Variants in STPG2 observed in about 807,000 individuals in gnomAD.
The protein encoded by STPG2 is sperm tail PG-rich repeat containing 2, also known as sperm-tail PG-rich repeat-containing protein 2.
In STPG2, 56 loss-of-function variants were observed where a neutral mutation model predicts 54.2. That is an observed-to-expected ratio of 1.03 (90% CI 0.83 to 1.29). The LOEUF is 1.29. STPG2 is among the 50% of genes most tolerant of loss of function. The pLI, the probability that STPG2 is intolerant of heterozygous loss-of-function variation, is 0.00. For missense variants in STPG2, 596 were observed against 544.9 expected, an observed-to-expected ratio of 1.09 and a Z score of -0.93; for synonymous variants, 200 against 181.8, an observed-to-expected ratio of 1.10 and a Z score of -0.81.
intron 8 of STPG2, among the ~76,000 whole-genome samples, chr4:97,867,766 T>C (rs1729845803): frequency 6.6e-6 from 1 of 152,032 alleles, no homozygotes; most frequent in Non-Finnish European, 1.5e-5. Flanking sequence ...TGTGGTTGAT[T>C]CTCATGATTG....
intron 10 of STPG2, among the ~76,000 whole-genome samples, chr4:97,564,762 C>T (rs979112375): frequency 2.0e-5 from 3 of 152,138 alleles, no homozygotes; most frequent in African/African-American, 4.8e-5. Context: ...AATAGTGGCC[C>T]TCACTCTCTA....
chr4:97,492,683 G>A (rs1275385402), intron 4 of STPG2, among the ~76,000 whole-genome samples: 1 of 150,918 alleles, frequency 6.6e-6, no homozygotes, highest in East Asian at 2.0e-4. Flanking sequence ...AAATTTGGGG[G>A]TTGGCAGATT....
intron 9 of STPG2, among the ~76,000 whole-genome samples, chr4:97,796,199 G>A (rs1261055142): frequency 2.0e-5 from 3 of 152,132 alleles, no homozygotes; most frequent in African/African-American, 7.2e-5. Context: ...AAGCTCTTTA[G>A]TTTAATTAGA....
At chr4:98,043,294 T>C (rs902576763) in intron 5 of STPG2, among the ~76,000 whole-genome samples, 2 of 152,122 alleles carry the variant, frequency 1.3e-5, no homozygotes, top group African/African-American at 2.4e-5. Flanking sequence ...CACTCCATTA[T>C]CTTTTTAATT....
At chr4:97,477,124 G>A (rs1217269408) in intron 4 of STPG2, among the ~76,000 whole-genome samples, 2 of 152,120 alleles carry the variant, frequency 1.3e-5, no homozygotes, top group African/African-American at 2.4e-5. Flanking sequence ...ATATGTGTGT[G>A]CACATGCATG....
chr4:97,483,416 G>C (rs984092366), intron 4 of STPG2, among the ~76,000 whole-genome samples: 26 of 151,610 alleles, frequency 1.7e-4, no homozygotes, highest in African/African-American at 5.8e-4. Flanking sequence ...AGCCAGCAAG[G>C]GTAGCTATTC....
chr4:97,932,944 C>T (rs1732606625), intron 8 of STPG2, among the ~76,000 whole-genome samples: 1 of 152,226 alleles, frequency 6.6e-6, no homozygotes, highest in Admixed American at 6.5e-5. Flanking sequence ...AATCGCCACA[C>T]TGTCTTCCAC....
intron 9 of STPG2, among the ~76,000 whole-genome samples, chr4:97,737,492 T>G (rs1725048619): frequency 6.6e-6 from 1 of 152,116 alleles, no homozygotes; most frequent in African/African-American, 2.4e-5. Flanking sequence ...ATAACTAGAA[T>G]AACCAATACA....
chr4:98,005,533 A>G (rs1231027710), intron 5 of STPG2, among the ~76,000 whole-genome samples: 1 of 152,180 alleles, frequency 6.6e-6, no homozygotes, highest in Non-Finnish European at 1.5e-5. Flanking sequence ...TTTGTCATAT[A>G]TAGCCTTTCT....
intron 8 of STPG2, among the ~76,000 whole-genome samples, chr4:97,936,506 T>C (rs1405176824): frequency 6.6e-6 from 1 of 152,212 alleles, no homozygotes; most frequent in Non-Finnish European, 1.5e-5. Flanking sequence ...GTTTTTAGAG[T>C]GGCTGGTACC....
At chr4:97,770,533 G>C (rs1314591044) in intron 9 of STPG2, among the ~76,000 whole-genome samples, 1 of 152,196 alleles carries the variant, frequency 6.6e-6, no homozygotes, top group Non-Finnish European at 1.5e-5. Flanking sequence ...ATCTAAACAA[G>C]ATTGCATGCT....
At chr4:97,844,786 C>A (rs1376711780) in intron 8 of STPG2, among the ~76,000 whole-genome samples, 1 of 151,854 alleles carries the variant, frequency 6.6e-6, no homozygotes, top group Non-Finnish European at 1.5e-5. Flanking sequence ...CTCACCTCTC[C>A]TTCTGGGTCT....
At chr4:98,019,046 G>A (rs532327863) in intron 5 of STPG2, among the ~76,000 whole-genome samples, 1 of 151,816 alleles carries the variant, frequency 6.6e-6, no homozygotes, top group South Asian at 2.1e-4. Flanking sequence ...GTCAATTTTG[G>A]CTTTTGTTGC....
intron 4 of STPG2, among the ~76,000 whole-genome samples, chr4:97,467,637 A>G (rs1349211942): frequency 2.0e-5 from 3 of 151,994 alleles, no homozygotes; most frequent in Non-Finnish European, 4.4e-5. Context: ...CTCAAAATGG[A>G]AATGGAGAAA....
intron 9 of STPG2, among the ~76,000 whole-genome samples, chr4:97,788,611 A>ATTTTC (rs1726896154): frequency 6.6e-6 from 1 of 152,132 alleles, no homozygotes; most frequent in African/African-American, 2.4e-5. Flanking sequence ...CTGCTAGATC[A>ATTTTC]TATAGTAGTT....
Position 97,951,602 on chromosome 4 carries a change from T to C in STPG2, c.934-7595A>G, listed in dbSNP as rs978444832. Among the ~76,000 whole-genome samples, 4 of 152,014 alleles carry C rather than the reference T, an allele frequency of 2.6e-5. No individual in the cohort carries two copies. In the East Asian group the frequency reaches 7.7e-4, roughly 29 times the overall value. Reference sequence around the variant, plus strand: ...AGGAGTGAAGACCCTGTGTGAGAGCTTTAGTTATAGAGACTCTTTGCATGA... The same window carrying C: ...AGGAGTGAAGACCCTGTGTGAGAGCCTTAGTTATAGAGACTCTTTGCATGA... On this transcript the variant is annotated intron_variant, in intron 7 of 10. Coordinates refer to ENST00000295268, the MANE Select transcript of STPG2 (RefSeq NM_174952.3).
chr4:98,018,598 C>T (rs1736056000), intron 5 of STPG2, among the ~76,000 whole-genome samples: 1 of 152,170 alleles, frequency 6.6e-6, no homozygotes, highest in Non-Finnish European at 1.5e-5. Context: ...ACCACACTGA[C>T]TTCCACAATG....
intron 10 of STPG2, among the ~76,000 whole-genome samples, chr4:97,689,679 A>C (rs10018404): frequency 0.59 from 89,481 of 151,904 alleles, 26,669 homozygotes; most frequent in South Asian, 0.68. Context: ...TAATTGTAGA[A>C]ATGTTCTAAA....
intron 4 of STPG2, among the ~76,000 whole-genome samples, chr4:97,482,904 C>T (rs1730260313): frequency 6.6e-6 from 1 of 151,660 alleles, no homozygotes; most frequent in African/African-American, 2.4e-5. Flanking sequence ...GTCCTATCTT[C>T]AGCCTCCTCA....
Sources: allele counts gnomAD v4.1 joint callset (sites outside exome capture counted in the v4.1 genomes callset), GRCh38; gene constraint gnomAD v4.1.1; transcripts MANE v1.5; gene names NCBI Gene and HGNC (gene_info 2026-07-23, HGNC 2026-07-21).